FALEC: variants seen among roughly 807,000 people sequenced by gnomAD.
FALEC encodes focally amplified lncRNA regulator of ECM1, also known as focally amplified lncRNA on chromosome 1.
At chr1:150,530,854 A>G in the FALEC span, among the ~76,000 whole-genome samples, 16 of 152,064 alleles carry the variant, frequency 1.1e-4, no homozygotes, top group African/African-American at 3.6e-4. Flanking sequence ...CAGAAACCAC[A>G]CTGTCCATAA....
chr1:150,534,399 A>C, the FALEC span, among the ~76,000 whole-genome samples: 1 of 152,206 alleles, frequency 6.6e-6, no homozygotes, highest in African/African-American at 2.4e-5. Flanking sequence ...GGCTGGCCCC[A>C]ACAGGATCGC....
the FALEC span, among the ~76,000 whole-genome samples, chr1:150,526,962 G>A: frequency 6.8e-6 from 1 of 146,926 alleles, no homozygotes; most frequent in Non-Finnish European, 1.5e-5. Context: ...TTGAGACAGA[G>A]TCTTGCTCTG....
the FALEC span, among the ~76,000 whole-genome samples, chr1:150,529,368 ATGGGG>A: frequency 4.6e-5 from 7 of 152,232 alleles, no homozygotes; most frequent in Admixed American, 4.6e-4. Context: ...CAGCCCCAAA[ATGGGG>A]GCTTGGTGGG....
downstream of FALEC, among the ~76,000 whole-genome samples, chr1:150,522,190 T>TG (rs1199897528): frequency 6.7e-6 from 1 of 148,790 alleles, no homozygotes; most frequent in Non-Finnish European, 1.5e-5. Context: ...GAGGTTGCAG[T>TG]GAGCCGAGAT....
chr1:150,522,402 C>T (rs1045735030), downstream of FALEC, among the ~76,000 whole-genome samples: 2 of 152,056 alleles, frequency 1.3e-5, no homozygotes, highest in African/African-American at 2.4e-5. Flanking sequence ...GCAGGAGGAT[C>T]GCCCAAGGTC....
At chr1:150,522,494 A>G (rs1372692663), downstream of FALEC, among the ~76,000 whole-genome samples, 1 of 149,328 alleles carries the variant, frequency 6.7e-6, no homozygotes, top group Non-Finnish European at 1.5e-5. Flanking sequence ...ATAGCGGTGC[A>G]TGCCTGTAGT....
downstream of FALEC, among the ~76,000 whole-genome samples, chr1:150,522,071 C>G (rs752687888): frequency 6.6e-6 from 1 of 151,802 alleles, no homozygotes; most frequent in Non-Finnish European, 1.5e-5. Context: ...ATGGTGAAAC[C>G]CCGTCTCTAC....
At chr1:150,527,345 G>A in the FALEC span, among the ~76,000 whole-genome samples, 4 of 151,502 alleles carry the variant, frequency 2.6e-5, no homozygotes, top group Non-Finnish European at 4.4e-5. Context: ...TGCAACCTCT[G>A]CCTCCCGGGT....
chr1:150,536,755 C>T, the FALEC span, among the ~76,000 whole-genome samples: 9 of 152,300 alleles, frequency 5.9e-5, 2 homozygotes, highest in South Asian at 1.9e-3. Flanking sequence ...CACCACTGCA[C>T]TTCAGCCTGG....
the FALEC span, among the ~76,000 whole-genome samples, chr1:150,530,998 T>A: frequency 6.6e-6 from 1 of 152,206 alleles, no homozygotes; most frequent in Non-Finnish European, 1.5e-5. Context: ...CCCATCCTGT[T>A]CTTTTTACCA....
the FALEC span, among the ~76,000 whole-genome samples, chr1:150,527,129 C>T: frequency 2.0e-5 from 3 of 149,886 alleles, no homozygotes; most frequent in East Asian, 2.0e-4. Context: ...TTAGTAGAGA[C>T]GGGGTTTCAC....
the FALEC span, among the ~76,000 whole-genome samples, chr1:150,529,028 A>AAAAAAAAAAAAAAAAAC: frequency 6.6e-6 from 1 of 150,972 alleles, no homozygotes; most frequent in Non-Finnish European, 1.5e-5. Flanking sequence ...AAAAAAAAAA[A>AAAAAAAAAAAAAAAAAC]AAAAAAAAAA....
downstream of FALEC, among the ~76,000 whole-genome samples, chr1:150,520,353 C>T (rs1670623169): frequency 6.6e-6 from 1 of 152,178 alleles, no homozygotes. Context: ...CCCCTGATAA[C>T]TCCTAATATA....
downstream of FALEC, among the ~76,000 whole-genome samples, chr1:150,518,501 C>T (rs1210893861): frequency 6.6e-6 from 1 of 151,720 alleles, no homozygotes; most frequent in Admixed American, 6.6e-5. Context: ...TCTCCTGCCT[C>T]AGTCTCCCAA....
At chr1:150,534,811 C>T in the FALEC span, among the ~76,000 whole-genome samples, 8 of 149,278 alleles carry the variant, frequency 5.4e-5, no homozygotes, top group East Asian at 5.9e-4. Flanking sequence ...CACTGCACTC[C>T]AGCCTGGCAA....
At chr1:150,530,199 C>A in the FALEC span, among the ~76,000 whole-genome samples, 2 of 152,144 alleles carry the variant, frequency 1.3e-5, no homozygotes, top group Non-Finnish European at 2.9e-5. Context: ...GAATGATAAT[C>A]CCAGTTCCTT....
chr1:150,534,011 G>A, the FALEC span, among the ~76,000 whole-genome samples: 2 of 152,196 alleles, frequency 1.3e-5, no homozygotes, highest in Non-Finnish European at 2.9e-5. Context: ...GGATGGCGTG[G>A]GGAGAAAGGT....
chr1:150,522,884 T>TAC (rs1158198307), downstream of FALEC, among the ~76,000 whole-genome samples: 28 of 111,970 alleles, frequency 2.5e-4, no homozygotes, highest in African/African-American at 8.7e-4. Flanking sequence ...TACATATATA[T>TAC]ATACGTATAT....
At chr1:150,524,383 T>C in the FALEC span, among the ~76,000 whole-genome samples, 1 of 152,178 alleles carries the variant, frequency 6.6e-6, no homozygotes, top group Non-Finnish European at 1.5e-5. Flanking sequence ...TTCCACAGCA[T>C]CATAAGTTAT....
Sources: gnomAD v4.1 joint callset for allele counts (sites outside exome capture counted in the v4.1 genomes callset) on GRCh38, gnomAD v4.1.1 for gene constraint, MANE v1.5 for transcripts, NCBI Gene and HGNC (gene_info 2026-07-23, HGNC 2026-07-21) for gene names.